PLXNA2: variants seen among roughly 807,000 people sequenced by gnomAD.
The protein encoded by PLXNA2 is plexin A2.
A neutral mutation model predicts 193.5 loss-of-function variants in PLXNA2; 91 were observed. The observed-to-expected ratio is 0.47, with a 90% CI of 0.40 to 0.56. The LOEUF is 0.56. Ranked by LOEUF, PLXNA2 falls within the 20% of genes least tolerant of loss-of-function variation. The pLI is 0.00. For synonymous variants in PLXNA2, 997 were observed against 1,027.3 expected (o/e 0.97, Z 0.56); for missense variants, 1,995 against 2,503.2 (o/e 0.80, Z 4.33).
intron 4 of PLXNA2, among the ~76,000 whole-genome samples, chr1:208,111,962 C>A (rs1667491115): frequency 6.6e-6 from 1 of 152,168 alleles, no homozygotes; most frequent in Non-Finnish European, 1.5e-5. Flanking sequence ...GAAGCTGACC[C>A]CGGTGCTGTC....
intron 3 of PLXNA2, among the ~76,000 whole-genome samples, chr1:208,173,017 G>A (rs772656226): frequency 2.0e-5 from 3 of 152,196 alleles, no homozygotes; most frequent in Non-Finnish European, 4.4e-5. Context: ...ATATCTGAGA[G>A]GCAGTGTTGG....
At chr1:208,100,252 C>G (rs369929206) in intron 5 of PLXNA2, among the ~76,000 whole-genome samples, 37 of 151,938 alleles carry the variant, frequency 2.4e-4, no homozygotes, top group African/African-American at 8.5e-4. Context: ...GCCTCTAGTT[C>G]CAGTTACTCA....
chr1:208,037,449 G>T (rs941039759), intron 26 of PLXNA2, among the ~76,000 whole-genome samples: 2 of 152,202 alleles, frequency 1.3e-5, no homozygotes, highest in Admixed American at 6.5e-5. Flanking sequence ...AGCCCAGCCT[G>T]CCAGCCCCTC....
chr1:208,177,364 C>A (rs1239993849), intron 3 of PLXNA2, among the ~76,000 whole-genome samples: 3 of 152,116 alleles, frequency 2.0e-5, no homozygotes, highest in Admixed American at 2.0e-4. Context: ...CCTACTCCAC[C>A]TCTGATCAGC....
chr1:208,197,723 G>T (rs1351435273), intron 3 of PLXNA2, among the ~76,000 whole-genome samples: 1 of 152,160 alleles, frequency 6.6e-6, no homozygotes, highest in Non-Finnish European at 1.5e-5. Flanking sequence ...CTCCCATTAG[G>T]TTAGACATAA....
At chr1:208,128,642 T>C (rs1272257306) in intron 4 of PLXNA2, among the ~76,000 whole-genome samples, 1 of 152,000 alleles carries the variant, frequency 6.6e-6, no homozygotes, top group Admixed American at 6.6e-5. Flanking sequence ...TTGTTTCCTT[T>C]TTCCCCCTCC....
intron 3 of PLXNA2, among the ~76,000 whole-genome samples, chr1:208,178,263 A>T (rs1669724726): frequency 6.6e-6 from 1 of 152,186 alleles, no homozygotes; most frequent in African/African-American, 2.4e-5. Flanking sequence ...TTTGAAAATT[A>T]ATGTACACAA....
chr1:208,035,460 G>A (rs1664641618), intron 26 of PLXNA2, among the ~76,000 whole-genome samples: 1 of 152,118 alleles, frequency 6.6e-6, no homozygotes, highest in African/African-American at 2.4e-5. Flanking sequence ...GAGAAAGATG[G>A]TGTCTTGTCC....
chr1:208,151,059 G>A (rs1029406442), intron 3 of PLXNA2, among the ~76,000 whole-genome samples: 32 of 152,238 alleles, frequency 2.1e-4, no homozygotes, highest in African/African-American at 7.2e-4. Context: ...GCCAGGGGCG[G>A]AGGAAGCATT....
At chr1:208,212,638 G>A (rs1480557852) in intron 2 of PLXNA2, among the ~76,000 whole-genome samples, 1 of 152,144 alleles carries the variant, frequency 6.6e-6, no homozygotes. Flanking sequence ...ATTGGCAGAG[G>A]CTACAAACCA....
intron 3 of PLXNA2, among the ~76,000 whole-genome samples, chr1:208,150,552 C>A (rs144171910): frequency 2.6e-5 from 4 of 152,140 alleles, no homozygotes; most frequent in Non-Finnish European, 2.9e-5. Context: ...ATTTATTGAG[C>A]ATTTACTATG....
Position 208,161,694 on chromosome 1 carries a change from C to T in PLXNA2, c.1372-19231G>A, listed in dbSNP as rs532875600. On this transcript the variant is annotated intron_variant, in intron 3 of 31. Transcript: ENST00000367033. ...TAAAAAAATTGTTATCTTCCTCCTC[C>T]TTAATTTCAGGGTGCTTTGGAGGGA... Among the ~76,000 whole-genome samples, 398 of 152,172 alleles carry T rather than the reference C, an allele frequency of 2.6e-3. 3 individuals are homozygous for T. The highest frequency in any genetic ancestry group is 9.3e-3 in the African/African-American group (388 of 41,498).
chr1:208,240,479 A>G (rs956057616), intron 1 of PLXNA2, among the ~76,000 whole-genome samples: 3 of 152,202 alleles, frequency 2.0e-5, no homozygotes, highest in African/African-American at 7.2e-5. Flanking sequence ...AAATCTTTGT[A>G]ACGAAGTGAA....
At chr1:208,224,525 G>C (rs1454491883) in intron 1 of PLXNA2, among the ~76,000 whole-genome samples, 1 of 152,030 alleles carries the variant, frequency 6.6e-6, no homozygotes, top group Non-Finnish European at 1.5e-5. Context: ...AAAGGGAAAA[G>C]GGGGAGGGGG....
intron 4 of PLXNA2, among the ~76,000 whole-genome samples, chr1:208,127,041 G>C (rs1667994217): frequency 6.6e-6 from 1 of 152,250 alleles, no homozygotes; most frequent in South Asian, 2.1e-4. Context: ...CTGACAGCAA[G>C]GGCCAAGAAG....
intron 4 of PLXNA2, among the ~76,000 whole-genome samples, chr1:208,109,100 G>A (rs866220180): frequency 1.8e-4 from 27 of 152,192 alleles, no homozygotes; most frequent in Non-Finnish European, 2.8e-4. Flanking sequence ...CTGACACAAG[G>A]GAAGAAACAG....
chr1:208,189,420 T>C (rs999119404), intron 3 of PLXNA2, among the ~76,000 whole-genome samples: 12 of 151,350 alleles, frequency 7.9e-5, no homozygotes, highest in African/African-American at 2.2e-4. Context: ...AGGCCCAGAA[T>C]AGGGAGGGAA....
At chr1:208,160,219 C>CT (rs1228325925) in intron 3 of PLXNA2, among the ~76,000 whole-genome samples, 2 of 152,208 alleles carry the variant, frequency 1.3e-5, no homozygotes, top group African/African-American at 4.8e-5. Context: ...TACAACCCCC[C>CT]CCGCCCAGAA....
chr1:208,163,376 TG>T (rs1421963329), intron 3 of PLXNA2, among the ~76,000 whole-genome samples: 1 of 152,102 alleles, frequency 6.6e-6, no homozygotes, highest in Non-Finnish European at 1.5e-5. Context: ...AGTCTCAGCC[TG>T]GGCTGGGGGA....
Sources: gnomAD v4.1 joint callset for allele counts (sites outside exome capture counted in the v4.1 genomes callset) on GRCh38, gnomAD v4.1.1 for gene constraint, MANE v1.5 for transcripts, NCBI Gene and HGNC (gene_info 2026-07-23, HGNC 2026-07-21) for gene names.